The following CHCHD6 variants were observed in gnomAD, a reference collection of about 807,000 sequenced individuals.
CHCHD6 encodes MICOS complex subunit MIC25.
CHCHD6 carries 28 observed loss-of-function variants against 32.3 expected under a neutral mutation model. That is an observed-to-expected ratio of 0.87 (90% CI 0.64 to 1.19). The LOEUF (loss-of-function observed/expected upper bound fraction) is 1.19, where lower values mean the gene tolerates loss of function less well. Among genes scored for constraint, CHCHD6 ranks in the 50% most tolerant of loss-of-function variants. The probability of loss-of-function intolerance (pLI) is 0.00; values close to 1 mark genes in which losing one functional copy is unlikely to be tolerated. For missense variants in CHCHD6, 333 were observed against 307.0 expected (o/e 1.08, Z -0.63); for synonymous variants, 122 against 117.5 (o/e 1.04, Z -0.25).
intron 6 of CHCHD6, among the ~76,000 whole-genome samples, chr3:126,922,643 G>GTA (rs1321600597): frequency 6.6e-6 from 1 of 152,028 alleles, no homozygotes; most frequent in Non-Finnish European, 1.5e-5. Flanking sequence ...GTGTGTGTGT[G>GTA]TGTGTGTGTG....
chr3:126,788,137 G>C (rs1938319971), intron 4 of CHCHD6, among the ~76,000 whole-genome samples: 1 of 152,274 alleles, frequency 6.6e-6, no homozygotes, highest in South Asian at 2.1e-4. Flanking sequence ...TTATTGATTT[G>C]CGTATGTTGA....
At chr3:126,878,253 A>C (rs2077565311) in intron 5 of CHCHD6, among the ~76,000 whole-genome samples, 1 of 152,280 alleles carries the variant, frequency 6.6e-6, no homozygotes, top group Non-Finnish European at 1.5e-5. Context: ...CATCAGTAGT[A>C]GTAAGCACTC....
intron 4 of CHCHD6, among the ~76,000 whole-genome samples, chr3:126,808,428 G>C (rs1206660618): frequency 6.6e-6 from 1 of 152,112 alleles, no homozygotes; most frequent in East Asian, 1.9e-4. Context: ...GTCTTAGAGG[G>C]CTGTGTTACT....
intron 6 of CHCHD6, among the ~76,000 whole-genome samples, chr3:126,924,116 G>T (rs938699838): frequency 1.3e-5 from 2 of 152,192 alleles, no homozygotes; most frequent in Non-Finnish European, 2.9e-5. Context: ...AGCTCCAGAC[G>T]ACAGCTACGG....
At chr3:126,783,473 T>G (rs183864164) in intron 4 of CHCHD6, among the ~76,000 whole-genome samples, 129 of 152,242 alleles carry the variant, frequency 8.5e-4, no homozygotes, top group Non-Finnish European at 1.3e-3. Flanking sequence ...GAAAATGAAA[T>G]AGAAAGCATC....
intron 4 of CHCHD6, among the ~76,000 whole-genome samples, chr3:126,819,901 T>C (rs948966217): frequency 6.6e-6 from 1 of 152,368 alleles, no homozygotes; most frequent in Middle Eastern, 3.4e-3. Flanking sequence ...TCGGAAAAAC[T>C]GACTGAGGGA....
At position 126,873,052 on chromosome 3, in the gene CHCHD6, G is replaced by A. The variant is rs148815645; in HGVS notation, c.495+20322G>A. ...CTGCTTTTGCTACTTCCTTGAACAC[G>A]GCTGGTCGTAAATATCCACTGTCAT... is the stretch of plus-strand genomic sequence containing the variant. On this transcript the variant is annotated intron_variant, in intron 5 of 7. Coordinates refer to ENST00000290913, the MANE Select transcript of CHCHD6 (RefSeq NM_032343.3). Among the ~76,000 whole-genome samples the A allele has an allele frequency of 7.8e-3, 1,187 of 152,284 alleles. 13 individuals carry two copies. The highest frequency in any genetic ancestry group is 0.027 in the African/African-American group (1,105 of 41,554).
chr3:126,913,726 C>T (rs1207063869), intron 5 of CHCHD6, among the ~76,000 whole-genome samples: 1 of 152,230 alleles, frequency 6.6e-6, no homozygotes, highest in Non-Finnish European at 1.5e-5. Context: ...GGCTTCACCA[C>T]ACTCCCACCT....
chr3:126,780,176 A>C (rs1444193024), intron 4 of CHCHD6, among the ~76,000 whole-genome samples: 1 of 152,232 alleles, frequency 6.6e-6, no homozygotes, highest in Non-Finnish European at 1.5e-5. Context: ...TCAGGCACGT[A>C]AGCTTGGGTC....
intron 4 of CHCHD6, among the ~76,000 whole-genome samples, chr3:126,770,183 A>G (rs963512803): frequency 6.6e-6 from 1 of 152,022 alleles, no homozygotes; most frequent in Admixed American, 6.6e-5. Flanking sequence ...TGATTTTTGT[A>G]TGTTGCTTTT....
At chr3:126,820,955 T>A (rs1440304555) in intron 4 of CHCHD6, among the ~76,000 whole-genome samples, 2 of 152,202 alleles carry the variant, frequency 1.3e-5, no homozygotes, top group Admixed American at 1.3e-4. Context: ...CAGAACCCCA[T>A]GCCCATCAGC....
chr3:126,790,447 C>G (rs964256637), intron 4 of CHCHD6, among the ~76,000 whole-genome samples: 1 of 152,238 alleles, frequency 6.6e-6, no homozygotes, highest in Admixed American at 6.5e-5. Flanking sequence ...CTCCCTGTCA[C>G]TTTCAGGTAC....
intron 4 of CHCHD6, among the ~76,000 whole-genome samples, chr3:126,814,670 C>A (rs1023596273): frequency 6.6e-6 from 1 of 152,196 alleles, no homozygotes; most frequent in African/African-American, 2.4e-5. Flanking sequence ...AAGCTCGGCA[C>A]CCCCTCCCAC....
intron 6 of CHCHD6, among the ~76,000 whole-genome samples, chr3:126,915,670 G>A (rs1422392597): frequency 6.6e-6 from 1 of 152,246 alleles, no homozygotes; most frequent in Non-Finnish European, 1.5e-5. Context: ...AGACAGGTTT[G>A]CATGATAGTT....
intron 5 of CHCHD6, among the ~76,000 whole-genome samples, chr3:126,869,288 CTTTTT>C (rs58408227): frequency 1.8e-5 from 2 of 108,702 alleles, no homozygotes; most frequent in African/African-American, 7.1e-5. Context: ...CACCAGTCTC[CTTTTT>C]TTTTTTTTTT....
At chr3:126,807,003 A>T (rs541866868) in intron 4 of CHCHD6, among the ~76,000 whole-genome samples, 69 of 139,414 alleles carry the variant, frequency 4.9e-4, no homozygotes, top group Non-Finnish European at 8.0e-4. Flanking sequence ...AACAGTGAGA[A>T]CACATGGACA....
At chr3:126,772,390 C>A (rs553434902) in intron 4 of CHCHD6, among the ~76,000 whole-genome samples, 1 of 152,240 alleles carries the variant, frequency 6.6e-6, no homozygotes, top group African/African-American at 2.4e-5. Flanking sequence ...GATCATAGGT[C>A]TTTAAGAACT....
At position 126,941,730 on chromosome 3, in the gene CHCHD6, AT is replaced by A. The variant is rs2078563279; in HGVS notation, c.567-15683del. 2.0e-5 allele frequency among the ~76,000 whole-genome samples: 3 copies of A among 152,314 alleles called. No homozygotes were observed. The South Asian group carries it at 6.2e-4, about 32-fold the overall frequency. ...TCCCTGATTTTTTACATGTTACAGA[AT>A]TTGCTTCATCACCTTTTCTCTCTAG... On this transcript the variant is annotated intron_variant, in intron 6 of 7. Transcript: ENST00000290913.
intron 5 of CHCHD6, among the ~76,000 whole-genome samples, chr3:126,862,327 T>A (rs1379553762): frequency 2.3e-5 from 2 of 88,828 alleles, no homozygotes; most frequent in Admixed American, 1.1e-4. Flanking sequence ...CTCCTCCTCC[T>A]CCACCATCAC....
Sources: gnomAD v4.1 joint callset for allele counts (sites outside exome capture counted in the v4.1 genomes callset) on GRCh38, gnomAD v4.1.1 for gene constraint, MANE v1.5 for transcripts, NCBI Gene and HGNC (gene_info 2026-07-23, HGNC 2026-07-21) for gene names.